The following EMC7 variants were observed in gnomAD, a reference collection of about 807,000 sequenced individuals.
The protein encoded by EMC7 is ER membrane protein complex subunit 7.
In EMC7, 4 loss-of-function variants were observed where a neutral mutation model predicts 24.4. The ratio of observed to expected loss-of-function variants is 0.16; its 90% confidence interval spans 0.08 to 0.38. EMC7 has a LOEUF of 0.38. EMC7 is among the 10% of genes least tolerant of loss of function. The pLI is 1.00. For missense variants in EMC7, 221 were observed against 300.6 expected (o/e 0.74, Z 1.96); for synonymous variants, 106 against 112.0 (o/e 0.95, Z 0.34).
chr15:34,091,998 G>C (rs532651901), intron 2 of EMC7, among the ~76,000 whole-genome samples: 19 of 152,316 alleles, frequency 1.2e-4, no homozygotes, highest in Non-Finnish European at 1.9e-4. Flanking sequence ...GGGCACAGTG[G>C]CTAATGCCTG....
intron 2 of EMC7, among the ~76,000 whole-genome samples, chr15:34,092,497 C>T (rs1282083284): frequency 1.3e-5 from 2 of 151,830 alleles, no homozygotes; most frequent in African/African-American, 2.4e-5. Flanking sequence ...TACAGGCGCA[C>T]GCCACCATGT....
chr15:34,096,593 AAC>A (rs756263868), intron 1 of EMC7, among the ~76,000 whole-genome samples: 1 of 152,180 alleles, frequency 6.6e-6, no homozygotes, highest in African/African-American at 2.4e-5. Context: ...AGGTGACAGA[AAC>A]ACAATTCCCA....
At chr15:34,084,854 T>A (rs554535775) in intron 4 of EMC7, among the ~76,000 whole-genome samples, 43 of 152,176 alleles carry the variant, frequency 2.8e-4, no homozygotes, top group South Asian at 1.2e-3. Context: ...CATTAACTCA[T>A]CATTTAACAT....
intron 3 of EMC7, among the ~76,000 whole-genome samples, chr15:34,088,842 G>A (rs780962621): frequency 6.6e-6 from 1 of 152,038 alleles, no homozygotes; most frequent in African/African-American, 2.4e-5. Flanking sequence ...CCAAAACTTA[G>A]ATAAATTCTT....
intron 2 of EMC7, among the ~76,000 whole-genome samples, chr15:34,091,739 A>G (rs766353176): frequency 1.3e-5 from 2 of 152,172 alleles, no homozygotes; most frequent in Non-Finnish European, 2.9e-5. Context: ...CTCCCTGCAC[A>G]TTGCTAATTA....
At chr15:34,086,589 C>T (rs1211396041) in intron 4 of EMC7, among the ~76,000 whole-genome samples, 1 of 152,172 alleles carries the variant, frequency 6.6e-6, no homozygotes, top group Non-Finnish European at 1.5e-5. Flanking sequence ...CCACCATGCC[C>T]GGCTAATTTT....
At position 34,097,097 on chromosome 15, in the gene EMC7, T is replaced by C. The variant is rs1901085930; in HGVS notation, c.237-1083A>G. Among the ~76,000 whole-genome samples, 4 of 129,984 alleles carry C rather than the reference T, an allele frequency of 3.1e-5. No individual in the cohort carries two copies. In the South Asian group the frequency reaches 1.1e-3, roughly 34 times the overall value. 85.3% of individuals were successfully genotyped at this position (129,984 alleles called of 152,430 possible). ...TGCCCAGGCTGGAGTGCAGTGGCCC[T>C]ATCTCGGCTCACTGCAAGCTCCGCC... On this transcript the variant is annotated intron_variant, in intron 1 of 4. Transcript: ENST00000256545.
chr15:34,090,478 G>T (rs1342238303), intron 2 of EMC7, 23 bp from the exon 3 acceptor site: 1 of 1,597,762 alleles, frequency 6.3e-7, no homozygotes, highest in Non-Finnish European at 8.5e-7. Context: ...CATGGGGAAA[G>T]CAACAGTAAT....
In EMC7 at chr15:34,090,306, C is replaced by T; in HGVS notation, c.495+11G>A. The T allele has an allele frequency of 6.2e-7, 1 of 1,608,160 alleles. No individual in the cohort carries two copies. The highest frequency in any genetic ancestry group is 8.5e-7 in the Non-Finnish European group (1 of 1,178,084). ...TATTAGTAAAGTGCTTTATTTTAGC[C>T]TGATACATACCATTGGGTTCATTAG... On this transcript the variant is annotated intron_variant, in intron 3 of 4. Transcript: ENST00000256545.
At chr15:34,099,939 T>C (rs186242663) in intron 1 of EMC7, among the ~76,000 whole-genome samples, 151 of 152,282 alleles carry the variant, frequency 9.9e-4, no homozygotes, top group Non-Finnish European at 1.2e-3. Context: ...ATAAAGAACA[T>C]GAAATGGTAT....
At chr15:34,093,806 C>CACACACACATATATAT (rs61440619) in intron 2 of EMC7, among the ~76,000 whole-genome samples, 1 of 30,254 alleles carries the variant, frequency 3.3e-5, no homozygotes, top group African/African-American at 8.6e-5. Flanking sequence ...CACACACACA[C>CACACACACATATATAT]ATATATATAT....
chr15:34,100,105 C>A (rs749489803), intron 1 of EMC7, among the ~76,000 whole-genome samples: 2 of 152,190 alleles, frequency 1.3e-5, no homozygotes, highest in Non-Finnish European at 2.9e-5. Context: ...ATGTGACAGG[C>A]TGAGGCAGAA....
At chr15:34,089,272 T>A (rs1900940764) in intron 3 of EMC7, among the ~76,000 whole-genome samples, 1 of 152,224 alleles carries the variant, frequency 6.6e-6, no homozygotes, top group South Asian at 2.1e-4. Context: ...TTGTATATTT[T>A]AAAATCACAA....
intron 2 of EMC7, among the ~76,000 whole-genome samples, chr15:34,095,441 T>C (rs1265733546): frequency 6.6e-6 from 1 of 152,164 alleles, no homozygotes; most frequent in East Asian, 1.9e-4. Flanking sequence ...ATATTTCCAT[T>C]GAACATAAAA....
At chr15:34,093,823 A>AT (rs753095506) in intron 2 of EMC7, among the ~76,000 whole-genome samples, 6 of 48,704 alleles carry the variant, frequency 1.2e-4, no homozygotes, top group South Asian at 1.1e-3. Flanking sequence ...ATATATATAT[A>AT]TTTTTTTTTT....
At chr15:34,084,976 T>C (rs1220695384) in intron 4 of EMC7, among the ~76,000 whole-genome samples, 2 of 152,056 alleles carry the variant, frequency 1.3e-5, no homozygotes, top group African/African-American at 2.4e-5. Context: ...AACACTTTTT[T>C]CTGATACTGA....
chr15:34,093,806 C>CACACACACACACACACACACATATAT (rs61440619), intron 2 of EMC7, among the ~76,000 whole-genome samples: 7 of 30,230 alleles, frequency 2.3e-4, no homozygotes, highest in Admixed American at 4.3e-4. Flanking sequence ...CACACACACA[C>CACACACACACACACACACACATATAT]ATATATATAT....
At chr15:34,096,881 G>C (rs971725381) in intron 1 of EMC7, among the ~76,000 whole-genome samples, 5 of 151,544 alleles carry the variant, frequency 3.3e-5, no homozygotes, top group African/African-American at 1.2e-4. Flanking sequence ...CAGCTACTCG[G>C]GAGACTGAGA....
intron 2 of EMC7, among the ~76,000 whole-genome samples, chr15:34,094,472 T>C (rs1259496214): frequency 6.6e-6 from 1 of 151,816 alleles, no homozygotes; most frequent in Admixed American, 6.6e-5. Flanking sequence ...GAGGCAGAGG[T>C]TGCAGTGAGC....
Sources: allele counts gnomAD v4.1 joint callset (sites outside exome capture counted in the v4.1 genomes callset), GRCh38; gene constraint gnomAD v4.1.1; transcripts MANE v1.5; gene names NCBI Gene and HGNC (gene_info 2026-07-23, HGNC 2026-07-21).